The following KCNH7 variants were observed in gnomAD, a reference collection of about 807,000 sequenced individuals.
KCNH7 encodes the protein voltage-gated inwardly rectifying potassium channel KCNH7.
KCNH7 carries 49 observed loss-of-function variants against 120.8 expected under a neutral mutation model. The observed-to-expected ratio is 0.41, with a 90% CI of 0.32 to 0.51. KCNH7 has a LOEUF of 0.51. KCNH7 is among the 20% of genes least tolerant of loss of function. The probability of loss-of-function intolerance (pLI) is 0.38; values close to 1 mark genes in which losing one functional copy is unlikely to be tolerated. For missense variants in KCNH7, 1,097 were observed against 1,446.6 expected, an observed-to-expected ratio of 0.76 and a Z score of 3.92; for synonymous variants, 547 against 516.1, an observed-to-expected ratio of 1.06 and a Z score of -0.81.
intron 8 of KCNH7, among the ~76,000 whole-genome samples, chr2:162,434,026 C>T (rs1228875384): frequency 6.6e-6 from 1 of 151,864 alleles, no homozygotes; most frequent in Non-Finnish European, 1.5e-5. Context: ...AGTACATATA[C>T]AATATGGACT....
chr2:162,413,556 T>TTATTTAA (rs1280617593), intron 9 of KCNH7, among the ~76,000 whole-genome samples: 4 of 152,154 alleles, frequency 2.6e-5, no homozygotes, highest in Admixed American at 1.3e-4. Context: ...AAAGAATGGC[T>TTATTTAA]TATTTAATAA....
intron 2 of KCNH7, among the ~76,000 whole-genome samples, chr2:162,691,228 G>A (rs1686091086): frequency 6.6e-6 from 1 of 152,078 alleles, no homozygotes; most frequent in Non-Finnish European, 1.5e-5. Context: ...ACAGAGTGGT[G>A]GTTTCCTCTG....
chr2:162,725,435 T>A (rs1687479031), intron 2 of KCNH7, among the ~76,000 whole-genome samples: 1 of 152,148 alleles, frequency 6.6e-6, no homozygotes, highest in South Asian at 2.1e-4. Flanking sequence ...AAATCTTTAA[T>A]CATAGGGTAA....
intron 2 of KCNH7, among the ~76,000 whole-genome samples, chr2:162,659,154 G>A (rs1290773150): frequency 6.6e-6 from 1 of 152,132 alleles, no homozygotes; most frequent in Non-Finnish European, 1.5e-5. Context: ...TGCTAGTTTG[G>A]TGAGAGTTTT....
chr2:162,744,598 A>C (rs1471816572), intron 2 of KCNH7, among the ~76,000 whole-genome samples: 1 of 122,846 alleles, frequency 8.1e-6, no homozygotes, highest in Non-Finnish European at 1.6e-5. Context: ...TTTGATACGG[A>C]GTCTCGCTCT....
At chr2:162,465,785 C>T (rs1250917659) in intron 6 of KCNH7, among the ~76,000 whole-genome samples, 1 of 152,050 alleles carries the variant, frequency 6.6e-6, no homozygotes, top group African/African-American at 2.4e-5. Flanking sequence ...GTCATGCACT[C>T]CTTTATCCCA....
At chr2:162,715,914 C>G (rs1395545508) in intron 2 of KCNH7, among the ~76,000 whole-genome samples, 1 of 151,204 alleles carries the variant, frequency 6.6e-6, no homozygotes, top group Non-Finnish European at 1.5e-5. Context: ...GATATGTTTA[C>G]AGTATAGATC....
chr2:162,500,162 AT>A (rs889211529), intron 6 of KCNH7, among the ~76,000 whole-genome samples: 1 of 148,056 alleles, frequency 6.8e-6, no homozygotes, highest in African/African-American at 2.5e-5. Context: ...ATTGATATAC[AT>A]TTATATGTTA....
intron 2 of KCNH7, among the ~76,000 whole-genome samples, chr2:162,829,933 G>A (rs1493002): frequency 0.53 from 79,546 of 149,242 alleles, 21,993 homozygotes; most frequent in South Asian, 0.73. Context: ...CACTCACTTC[G>A]TACTAGTTAC....
intron 2 of KCNH7, among the ~76,000 whole-genome samples, chr2:162,664,834 C>G (rs1574238845): frequency 6.6e-6 from 1 of 152,180 alleles, no homozygotes; most frequent in South Asian, 2.1e-4. Context: ...AGAAAAGATT[C>G]AGCATTAAGT....
At chr2:162,761,478 A>G (rs1334532785) in intron 2 of KCNH7, among the ~76,000 whole-genome samples, 1 of 152,108 alleles carries the variant, frequency 6.6e-6, no homozygotes, top group Non-Finnish European at 1.5e-5. Context: ...TGACAGCACT[A>G]AGAAAAAATG....
chr2:162,708,945 A>G (rs1686818584), intron 2 of KCNH7, among the ~76,000 whole-genome samples: 1 of 152,086 alleles, frequency 6.6e-6, no homozygotes, highest in South Asian at 2.1e-4. Context: ...TAGGCACTCA[A>G]TAGATGATTG....
At chr2:162,518,420 G>A (rs1359034103) in intron 3 of KCNH7, among the ~76,000 whole-genome samples, 1 of 151,774 alleles carries the variant, frequency 6.6e-6, no homozygotes, top group Non-Finnish European at 1.5e-5. Flanking sequence ...TTGATGACAT[G>A]AGACTTTTAG....
chr2:162,673,257 A>G (rs1685422120), intron 2 of KCNH7, among the ~76,000 whole-genome samples: 2 of 152,106 alleles, frequency 1.3e-5, no homozygotes, highest in South Asian at 4.1e-4. Flanking sequence ...AGTATCACTC[A>G]TGGATATATG....
chr2:162,559,183 T>C (rs996616302), intron 2 of KCNH7, among the ~76,000 whole-genome samples: 1 of 152,072 alleles, frequency 6.6e-6, no homozygotes, highest in Non-Finnish European at 1.5e-5. Flanking sequence ...TGCTACAGTG[T>C]TTTTAGGCAG....
intron 2 of KCNH7, among the ~76,000 whole-genome samples, chr2:162,598,494 T>C (rs1470280854): frequency 2.6e-5 from 4 of 152,104 alleles, no homozygotes; most frequent in Non-Finnish European, 5.9e-5. Context: ...AGAAAAGCAG[T>C]ATTTTAAAAT....
At chr2:162,416,623 A>G (rs1687548615) in intron 9 of KCNH7, among the ~76,000 whole-genome samples, 1 of 152,116 alleles carries the variant, frequency 6.6e-6, no homozygotes, top group South Asian at 2.1e-4. Context: ...GACATGTTTT[A>G]GCTTTGTGTG....
intron 2 of KCNH7, among the ~76,000 whole-genome samples, chr2:162,570,630 G>A (rs1489596386): frequency 6.6e-6 from 1 of 152,036 alleles, no homozygotes. Context: ...TAGTCTTGAT[G>A]GTCTTTACAT....
intron 2 of KCNH7, among the ~76,000 whole-genome samples, chr2:162,570,710 T>C (rs1362425471): frequency 6.6e-6 from 1 of 151,874 alleles, no homozygotes; most frequent in Admixed American, 6.6e-5. Context: ...TCAGGAGCTC[T>C]TTCATCCCTG....
Sources: gnomAD v4.1 joint callset for allele counts (sites outside exome capture counted in the v4.1 genomes callset) on GRCh38, gnomAD v4.1.1 for gene constraint, MANE v1.5 for transcripts, NCBI Gene and HGNC (gene_info 2026-07-23, HGNC 2026-07-21) for gene names.